Variants in BMF observed in about 807,000 individuals in gnomAD.
BMF encodes the protein bcl-2-modifying factor.
A neutral mutation model predicts 22.0 loss-of-function variants in BMF; 10 were observed. The ratio of observed to expected loss-of-function variants is 0.45; its 90% confidence interval spans 0.28 to 0.77. The LOEUF (loss-of-function observed/expected upper bound fraction) is 0.77, where lower values mean the gene tolerates loss of function less well. BMF is among the 30% of genes least tolerant of loss of function. The pLI is 0.13. For synonymous variants in BMF, 87 were observed against 88.1 expected, an observed-to-expected ratio of 0.99 and a Z score of 0.07; for missense variants, 206 against 226.8, an observed-to-expected ratio of 0.91 and a Z score of 0.59.
rs1167669748 is a variant in BMF, at chr15:40,091,916, A to G, written c.454-28T>C. 4.7e-6 allele frequency: 7 copies of G among 1,504,300 alleles called. No individual in the cohort carries two copies. In the Admixed American group the frequency reaches 9.6e-5, roughly 21 times the overall value. 93.2% of individuals were successfully genotyped at this position (1,504,300 alleles called of 1,614,324 possible). Reference sequence around the variant, plus strand: ...GAAGGGAGAAAAAAAAAAAAGACCAACATAACTCCCAAACGCAATCTTAGA... The same window carrying G: ...GAAGGGAGAAAAAAAAAAAAGACCAGCATAACTCCCAAACGCAATCTTAGA... On this transcript the variant is annotated intron_variant, in intron 4 of 4. Coordinates refer to ENST00000354670, the MANE Select transcript of BMF (RefSeq NM_001003940.2).
intron 2 of BMF, among the ~76,000 whole-genome samples, chr15:40,107,751 T>A (rs552522381): frequency 1.2e-4 from 19 of 152,218 alleles, no homozygotes; most frequent in Admixed American, 1.0e-3. Context: ...TCAAAGCCAA[T>A]CACCAGCACG....
chr15:40,095,405 T>C (rs1421796589), intron 4 of BMF, among the ~76,000 whole-genome samples: 1 of 152,038 alleles, frequency 6.6e-6, no homozygotes, highest in Non-Finnish European at 1.5e-5. Context: ...AACACAAAGA[T>C]ACCAAAACAC....
Position 40,091,822 on chromosome 15 carries a change from C to T in BMF, c.520G>A (p.Gly174Arg), listed in dbSNP as rs1457415064. The T allele has an allele frequency of 1.2e-6, 2 of 1,611,202 alleles. No individual in the cohort carries two copies. Among genetic ancestry groups the T allele is most frequent in the Admixed American group, 1.7e-5 (1 of 59,794 alleles). ...CCTGCCCCGTTCCTGTTCTCTTCTCCATTCAAAGCAAGGTTGTGCAGGAAG... is the reference window on the plus strand; with the variant it reads ...CCTGCCCCGTTCCTGTTCTCTTCTCTATTCAAAGCAAGGTTGTGCAGGAAG... ...LLFLHNLALNGEENRNGAGPR is the reference protein window; with the variant it reads ...LLFLHNLALNREENRNGAGPR Residue 174 changes from glycine to arginine, a missense_variant, in exon 5 of 5, where the codon GGA becomes AGA. Physicochemically the swap from Gly to Arg is moderately radical, Grantham distance 125. Coordinates refer to ENST00000354670, the MANE Select transcript of BMF (RefSeq NM_001003940.2).
chr15:40,102,216 G>T (rs975209868), intron 4 of BMF, among the ~76,000 whole-genome samples: 19 of 152,064 alleles, frequency 1.2e-4, no homozygotes, highest in African/African-American at 4.1e-4. Context: ...ATCATCTGAG[G>T]TCAGGAGTTC....
intron 3 of BMF, among the ~76,000 whole-genome samples, chr15:40,105,173 G>A (rs2036560878): frequency 6.6e-6 from 1 of 152,216 alleles, no homozygotes. Flanking sequence ...ATAAGCTGCA[G>A]TGCTAATAGA....
intron 2 of BMF, among the ~76,000 whole-genome samples, chr15:40,107,209 T>C (rs1329949197): frequency 6.6e-6 from 1 of 152,166 alleles, no homozygotes; most frequent in Non-Finnish European, 1.5e-5. Context: ...CCTGAACAGC[T>C]AAGGATAAAA....
At chr15:40,108,131 G>C (rs951498447) in intron 2 of BMF, 128 bp downstream of exon 2, 7 of 152,576 alleles carry the variant, frequency 4.6e-5, no homozygotes, top group African/African-American at 1.7e-4. Flanking sequence ...CAACCCCTAA[G>C]GGCTGGAAGA....
At chr15:40,100,403 C>A (rs1420144315) in intron 4 of BMF, among the ~76,000 whole-genome samples, 1 of 152,218 alleles carries the variant, frequency 6.6e-6, no homozygotes, top group Admixed American at 6.5e-5. Flanking sequence ...ATCAGCAGAC[C>A]ATCGGGGGTC....
chr15:40,105,120 G>A (rs747839276), intron 3 of BMF, among the ~76,000 whole-genome samples: 3 of 152,188 alleles, frequency 2.0e-5, no homozygotes. Context: ...CAATCAGCTC[G>A]TCAGACACAG....
At position 40,105,786 on chromosome 15, in the gene BMF, A is replaced by G; in HGVS notation, c.292+9T>C. 1.3e-6 allele frequency: 2 copies of G among 1,588,576 alleles called. No individual in the cohort carries two copies. Among genetic ancestry groups the G allele is most frequent in the Non-Finnish European group, 1.7e-6 (2 of 1,164,796 alleles). ...CTATGGGAGGAGTCTTGAGGCTGAG[A>G]GCACTCACCATAAAAGAGTCGCTGG... is the stretch of plus-strand genomic sequence containing the variant. On this transcript the variant is annotated intron_variant, in intron 3 of 4. Coordinates refer to ENST00000354670, the MANE Select transcript of BMF (RefSeq NM_001003940.2).
In BMF at chr15:40,104,276, C is replaced by T. The variant is rs534818374; in HGVS notation, c.357G>A (p.Gln119=). The change falls in exon 4 of 5, where the codon CAG becomes CAA. Residue 119 remains glutamine, a synonymous_variant. Coordinates refer to ENST00000354670, the MANE Select transcript of BMF (RefSeq NM_001003940.2). The part of the protein sequence containing the change: ...SFPAVLPIGE[Q]PPEGQWQHQA... ...GATGTTGCCACTGCCCTTCGGGGGGCTGCTCCCCAATGGGCAAGACTGCTG... is the reference window on the plus strand; with the variant it reads ...GATGTTGCCACTGCCCTTCGGGGGGTTGCTCCCCAATGGGCAAGACTGCTG... 3.7e-5 allele frequency: 60 copies of T among 1,614,218 alleles called. No individual in the cohort carries two copies. The East Asian group carries it at 8.2e-4, about 22-fold the overall frequency.
intron 4 of BMF, among the ~76,000 whole-genome samples, chr15:40,100,320 C>A (rs1323862686): frequency 6.6e-6 from 1 of 152,182 alleles, no homozygotes; most frequent in East Asian, 1.9e-4. Context: ...GGAGGAAGTA[C>A]ATCTGCACCA....
intron 2 of BMF, among the ~76,000 whole-genome samples, chr15:40,107,026 CT>C (rs2036602120): frequency 6.6e-6 from 1 of 152,230 alleles, no homozygotes; most frequent in South Asian, 2.1e-4. Context: ...ACTGCCTATA[CT>C]GCTGAAGTTA....
intron 4 of BMF, among the ~76,000 whole-genome samples, chr15:40,098,801 T>A (rs1295754981): frequency 3.3e-5 from 5 of 151,232 alleles, no homozygotes; most frequent in Middle Eastern, 3.5e-3. Context: ...ATGGCAGGCC[T>A]TGGTGGGGAG....
chr15:40,104,865 G>C (rs2036551697), intron 3 of BMF, among the ~76,000 whole-genome samples: 1 of 152,162 alleles, frequency 6.6e-6, no homozygotes. Context: ...AGAAAACTGA[G>C]ACGCACAGAG....
rs982582404 is a variant in BMF, at chr15:40,100,982, G to A, written c.453+3198C>T. Reference sequence around the variant, plus strand: ...ACTATCCCAGATGTAGGGGAAAGGTGACGGTCAGGCCTCCTCAAGTCCCAT... The same window carrying A: ...ACTATCCCAGATGTAGGGGAAAGGTAACGGTCAGGCCTCCTCAAGTCCCAT... On this transcript the variant is annotated intron_variant, in intron 4 of 4. Transcript: ENST00000354670. Among the ~76,000 whole-genome samples, 4 of 152,330 alleles carry A rather than the reference G, an allele frequency of 2.6e-5. No homozygotes were observed. The East Asian group carries it at 7.7e-4, about 29-fold the overall frequency.
intron 4 of BMF, among the ~76,000 whole-genome samples, chr15:40,100,676 C>T (rs948001508): frequency 2.0e-5 from 3 of 152,226 alleles, no homozygotes; most frequent in African/African-American, 7.2e-5. Flanking sequence ...GCTAGTCCTC[C>T]ACCTAGCAAG....
At chr15:40,104,452 A>G in intron 3 of BMF, 112 bp from the exon 4 acceptor site, 4 of 1,383,436 alleles carry the variant, frequency 2.9e-6, no homozygotes, top group Non-Finnish European at 3.9e-6. Flanking sequence ...CATATGAGAA[A>G]GGATAGGAGC....
rs2036167766 is a variant in BMF at position 40,088,128 on chromosome 15, CCT to C, written c.*3657_*3658del. On this transcript the variant is annotated 3_prime_UTR_variant, in exon 5 of 5. Coordinates refer to ENST00000354670, the MANE Select transcript of BMF (RefSeq NM_001003940.2). ...TTCTCACTGGGTCTCCTCGATAGCCCCTGTGGATCCAGGGATGGGGTAGAAGG... is the reference window on the plus strand; with the variant it reads ...TTCTCACTGGGTCTCCTCGATAGCCCGTGGATCCAGGGATGGGGTAGAAGG... 6.6e-6 allele frequency: 1 copy of C among 152,618 alleles called. No individual in the cohort carries two copies. The highest frequency in any genetic ancestry group is 6.5e-5 in the Admixed American group (1 of 15,276). 9.5% of individuals were successfully genotyped at this position (152,618 alleles called of 1,614,324 possible).
Sources: gnomAD v4.1 joint callset for allele counts (sites outside exome capture counted in the v4.1 genomes callset) on GRCh38, gnomAD v4.1.1 for gene constraint, MANE v1.5 for transcripts, NCBI Gene and HGNC (gene_info 2026-07-23, HGNC 2026-07-21) for gene names.